EPS15L1: variants seen among roughly 807,000 people sequenced by gnomAD.
EPS15L1 encodes the protein epidermal growth factor receptor substrate 15-like 1.
In EPS15L1, 43 loss-of-function variants were observed where a neutral mutation model predicts 117.1. The ratio of observed to expected loss-of-function variants is 0.37; its 90% CI spans 0.29 to 0.47. The LOEUF is 0.47. Ranked by LOEUF, EPS15L1 falls within the 20% of genes least tolerant of loss-of-function variation. The probability of loss-of-function intolerance (pLI) is 0.99; values close to 1 mark genes in which losing one functional copy is unlikely to be tolerated. For synonymous variants in EPS15L1, 459 were observed against 470.5 expected (o/e 0.98, Z 0.32); for missense variants, 981 against 1,164.0 (o/e 0.84, Z 2.29).
In EPS15L1 at chr19:16,403,625, C is replaced by T. The variant is rs535393334; in HGVS notation, c.1626+108G>A. 88 of 1,069,604 alleles carry T rather than the reference C, an allele frequency of 8.2e-5. 1 individual carries two copies. Among genetic ancestry groups the T allele is most frequent in the Non-Finnish European group, 1.1e-4 (79 of 717,128 alleles). The allele number at this position is 1,069,604 out of a possible 1,614,324, so 66.3% of individuals were successfully genotyped here. ...GCACCACAGCCTCCCAAAAGAGACC[C>T]TCACGTAAGTAACAAGGGTGAGAGC... On this transcript the variant is annotated intron_variant, in intron 15 of 23. Transcript: ENST00000455140.
At chr19:16,442,330 C>T (rs1404764983) in intron 1 of EPS15L1, 111 bp from the exon 2 acceptor site, 9 of 742,166 alleles carry the variant, frequency 1.2e-5, no homozygotes, top group Admixed American at 8.9e-5. Context: ...TAGTTAGAGT[C>T]AAAATGCATG....
chr19:16,360,088 G>A (rs565503500), intron 23 of EPS15L1, among the ~76,000 whole-genome samples: 10 of 147,244 alleles, frequency 6.8e-5, no homozygotes, highest in African/African-American at 2.0e-4. Flanking sequence ...TATGCTTTTC[G>A]AAAAAACGAG....
chr19:16,423,745 G>A (rs1261234349), intron 9 of EPS15L1, among the ~76,000 whole-genome samples: 3 of 152,194 alleles, frequency 2.0e-5, no homozygotes, highest in African/African-American at 4.8e-5. Context: ...TGGGCTTGCT[G>A]CCTTTTAAGT....
At chr19:16,392,256 C>T (rs1195880661) in intron 19 of EPS15L1, 48 bp downstream of exon 19, 1 of 1,610,320 alleles carries the variant, frequency 6.2e-7, no homozygotes, top group Non-Finnish European at 8.5e-7. Context: ...ACCCTTACCA[C>T]ACAGAGCAGG....
At chr19:16,460,767 G>A (rs544228718) in intron 1 of EPS15L1, among the ~76,000 whole-genome samples, 59 of 152,282 alleles carry the variant, frequency 3.9e-4, no homozygotes, top group Admixed American at 9.2e-4. Context: ...AAGAACATGC[G>A]CCTAGGCCAA....
At chr19:16,432,268 T>C (rs2092935780) in intron 7 of EPS15L1, among the ~76,000 whole-genome samples, 1 of 152,134 alleles carries the variant, frequency 6.6e-6, no homozygotes, top group Non-Finnish European at 1.5e-5. Flanking sequence ...ACCCCATCTC[T>C]ATTAAAAATA....
intron 21 of EPS15L1, among the ~76,000 whole-genome samples, chr19:16,378,539 C>A (rs186980701): frequency 1.3e-3 from 200 of 152,274 alleles, no homozygotes; most frequent in African/African-American, 4.6e-3. Context: ...CTGCCACCCA[C>A]GCCTGCACTG....
Position 16,404,802 on chromosome 19 carries a change from C to T in EPS15L1, c.1267-53G>A. 6.3e-7 allele frequency: 1 copy of T among 1,596,662 alleles called. No individual in the cohort carries two copies. Among genetic ancestry groups the T allele is most frequent in the South Asian group, 1.1e-5 (1 of 89,696 alleles). On this transcript the variant is annotated intron_variant, in intron 13 of 23. Transcript: ENST00000455140. This position sits in a 1 kb window ranked among gnomAD's most constrained non-coding sequence, Gnocchi z 4.2. ...GAGGATGGGAAAAATGAAGCATGTCCAAGATAACGGGGGGCAGCCTGGGCC... is the reference window on the plus strand; with the variant it reads ...GAGGATGGGAAAAATGAAGCATGTCTAAGATAACGGGGGGCAGCCTGGGCC...
chr19:16,414,800 C>T (rs1364677667), intron 12 of EPS15L1, among the ~76,000 whole-genome samples: 2 of 150,852 alleles, frequency 1.3e-5, no homozygotes, highest in African/African-American at 4.9e-5. Flanking sequence ...TCCTTGACTT[C>T]CTGGGCTCAA....
At chr19:16,413,569 C>A (rs953689258) in intron 13 of EPS15L1, 32 of 725,200 alleles carry the variant, frequency 4.4e-5, no homozygotes, top group Non-Finnish European at 7.4e-5. Context: ...GCTGTGGCTA[C>A]AACATAGGGT....
At chr19:16,432,354 G>C (rs1314610500) in intron 7 of EPS15L1, among the ~76,000 whole-genome samples, 1 of 152,114 alleles carries the variant, frequency 6.6e-6, no homozygotes, top group African/African-American at 2.4e-5. Context: ...GGATAATGAG[G>C]TCAGGAGATC....
Position 16,448,538 on chromosome 19 carries a change from TA to T in EPS15L1, c.34-6320del, listed in dbSNP as rs200660167. Among the ~76,000 whole-genome samples the T allele has an allele frequency of 5.3e-3, 550 of 104,534 alleles. 4 individuals are homozygous for T. Among genetic ancestry groups the T allele is most frequent in the Middle Eastern group, 0.026 (5 of 192 alleles). 68.6% of individuals were successfully genotyped at this position (104,534 alleles called of 152,430 possible). Reference sequence around the variant, plus strand: ...GGGCAATAAGAGCAAAATTCCGTATTAAAAAAAAAGGGGGGGGGAGAAAGGC... The same window carrying T: ...GGGCAATAAGAGCAAAATTCCGTATTAAAAAAAAGGGGGGGGGAGAAAGGC... On this transcript the variant is annotated intron_variant, in intron 1 of 23. Transcript: ENST00000455140.
In EPS15L1 at chr19:16,369,817, G is replaced by A. The variant is rs549994063; in HGVS notation, c.2380+7305C>T. On this transcript the variant is annotated intron_variant, in intron 22 of 23. Transcript: ENST00000455140. ...ACAATTCTGGCTTCTTTGAAAATTC[G>A]CATTTGTTCTCTGGCGGGCACCTTT... is the stretch of plus-strand genomic sequence containing the variant. Among the ~76,000 whole-genome samples the A allele has an allele frequency of 2.6e-5, 4 of 152,186 alleles. No individual in the cohort carries two copies. In the South Asian group the frequency reaches 8.3e-4, roughly 32 times the overall value.
intron 1 of EPS15L1, among the ~76,000 whole-genome samples, chr19:16,456,403 T>G (rs1183460572): frequency 1.3e-5 from 2 of 150,430 alleles, no homozygotes; most frequent in Non-Finnish European, 3.0e-5. Context: ...ACGCCTGTAA[T>G]CTCAGCACTT....
chr19:16,456,152 G>A (rs767358291), intron 1 of EPS15L1, among the ~76,000 whole-genome samples: 3 of 152,044 alleles, frequency 2.0e-5, no homozygotes, highest in Non-Finnish European at 4.4e-5. Flanking sequence ...GCGAGCCGAG[G>A]TTGTGCCATT....
At chr19:16,450,477 C>CTTTT (rs768287701) in intron 1 of EPS15L1, among the ~76,000 whole-genome samples, 237 of 108,072 alleles carry the variant, frequency 2.2e-3, no homozygotes, top group Middle Eastern at 5.3e-3. Context: ...TGTCCATCTT[C>CTTTT]TTTTTTTTTT....
intron 16 of EPS15L1, among the ~76,000 whole-genome samples, chr19:16,398,822 G>T (rs1352412962): frequency 6.6e-6 from 1 of 152,018 alleles, no homozygotes; most frequent in African/African-American, 2.4e-5. Context: ...CTCCCAGAAG[G>T]TACCATACTG....
intron 9 of EPS15L1, among the ~76,000 whole-genome samples, chr19:16,422,970 AGG>A (rs34129551): frequency 5.0e-5 from 6 of 121,074 alleles, no homozygotes; most frequent in Admixed American, 8.7e-5. Context: ...GGAAAAAAAA[AGG>A]GGGGGGGGAT....
chr19:16,379,163 G>A (rs2092332081), intron 21 of EPS15L1, among the ~76,000 whole-genome samples: 2 of 152,138 alleles, frequency 1.3e-5, no homozygotes, highest in African/African-American at 4.8e-5. Context: ...AAATTAGCCG[G>A]TCGTGGTGGC....
Sources: allele counts gnomAD v4.1 joint callset (sites outside exome capture counted in the v4.1 genomes callset), GRCh38; gene constraint gnomAD v4.1.1; non-coding constraint Gnocchi (gnomAD v3.1); transcripts MANE v1.5; gene names NCBI Gene and HGNC (gene_info 2026-07-23, HGNC 2026-07-21).